Variants in PARD3 observed in about 807,000 individuals in gnomAD.
The protein encoded by PARD3 is partitioning defective 3 homolog.
PARD3 carries 75 observed loss-of-function variants against 155.4 expected under a neutral mutation model. That is an observed-to-expected ratio of 0.48 (90% CI 0.40 to 0.58). The LOEUF is 0.58. Among genes scored for constraint, PARD3 ranks in the 20% least tolerant of loss-of-function variants. The probability of loss-of-function intolerance (pLI) is 0.00; values close to 1 mark genes in which losing one functional copy is unlikely to be tolerated. For missense variants in PARD3, 1,642 were observed against 1,721.7 expected (o/e 0.95, Z 0.82); for synonymous variants, 576 against 610.5 (o/e 0.94, Z 0.83).
At chr10:34,587,952 T>G (rs1282546477) in intron 2 of PARD3, among the ~76,000 whole-genome samples, 2 of 152,130 alleles carry the variant, frequency 1.3e-5, no homozygotes, top group Non-Finnish European at 2.9e-5. Context: ...CGGTGACCAG[T>G]TCAAAATTCT....
At chr10:34,123,973 T>C (rs551391960) in intron 23 of PARD3, among the ~76,000 whole-genome samples, 6 of 152,332 alleles carry the variant, frequency 3.9e-5, no homozygotes, top group African/African-American at 1.4e-4. Flanking sequence ...AAAATCATTG[T>C]TATATTAACA....
intron 3 of PARD3, among the ~76,000 whole-genome samples, chr10:34,493,481 CA>C (rs2080053668): frequency 6.6e-6 from 1 of 152,082 alleles, no homozygotes; most frequent in Non-Finnish European, 1.5e-5. Flanking sequence ...CCTGTAATCT[CA>C]GCATTTTGGG....
At chr10:34,680,584 AG>A (rs2093794774) in intron 2 of PARD3, among the ~76,000 whole-genome samples, 1 of 147,282 alleles carries the variant, frequency 6.8e-6, no homozygotes, top group African/African-American at 2.5e-5. Context: ...GGGGAGGGGA[AG>A]GGGAATGAGA....
rs1323865538 is a variant in PARD3, at chr10:34,309,547, C to CAAAAAA, written c.3065+7559_3065+7560insTTTTTT. Among the ~76,000 whole-genome samples the CAAAAAA allele has an allele frequency of 3.8e-3, 176 of 46,624 alleles. 6 individuals carry two copies. The highest frequency in any genetic ancestry group is 0.036 in the Admixed American group (120 of 3,328). 30.6% of individuals were successfully genotyped at this position (46,624 alleles called of 152,430 possible). A position where few individuals can be genotyped will look rare whatever the true frequency, so the allele number is the denominator to read the frequency against. ...ACTCCTGCTGAGCAAGACCCTGTCTCCAAAAAAAAAAAAAAAAAAAAAAAA... is the reference window on the plus strand; with the variant it reads ...ACTCCTGCTGAGCAAGACCCTGTCTCAAAAAACAAAAAAAAAAAAAAAAAAAAAAAA... On this transcript the variant is annotated intron_variant, in intron 20 of 24. Coordinates refer to ENST00000374788, the MANE Select transcript of PARD3 (RefSeq NM_001184785.2).
At position 34,450,492 on chromosome 10, in the gene PARD3, C is replaced by G; in HGVS notation, c.583-44G>C. ...AAAGGTGTCTTGTAAAAAACCAGACCTTGCAAATCAGTAATGCACCTGGTT... is the reference window on the plus strand; with the variant it reads ...AAAGGTGTCTTGTAAAAAACCAGACGTTGCAAATCAGTAATGCACCTGGTT... On this transcript the variant is annotated intron_variant, in intron 4 of 24. Transcript: ENST00000374788. 5 of 1,575,362 alleles carry G rather than the reference C, an allele frequency of 3.2e-6. No homozygotes were observed. In the Admixed American group the frequency reaches 5.7e-5, roughly 18 times the overall value.
chr10:34,229,297 C>A (rs185095629), intron 22 of PARD3, among the ~76,000 whole-genome samples: 1 of 152,240 alleles, frequency 6.6e-6, no homozygotes, highest in African/African-American at 2.4e-5. Context: ...CAGCTCACTG[C>A]AGCCTTGAAC....
At chr10:34,777,923 C>T (rs1392167487) in intron 1 of PARD3, among the ~76,000 whole-genome samples, 3 of 151,652 alleles carry the variant, frequency 2.0e-5, no homozygotes, top group Non-Finnish European at 2.9e-5. Flanking sequence ...TGCCCTCCCT[C>T]CCGCAAGGAG....
At chr10:34,162,040 C>T (rs923377854) in intron 22 of PARD3, among the ~76,000 whole-genome samples, 3 of 152,146 alleles carry the variant, frequency 2.0e-5, no homozygotes, top group Non-Finnish European at 2.9e-5. Flanking sequence ...CATATATGTA[C>T]ATATGATAGA....
At chr10:34,415,823 C>T (rs892280195) in intron 5 of PARD3, among the ~76,000 whole-genome samples, 2 of 152,138 alleles carry the variant, frequency 1.3e-5, no homozygotes, top group Non-Finnish European at 1.5e-5. Flanking sequence ...ACAAGTATAC[C>T]TATTAAGTGC....
intron 2 of PARD3, among the ~76,000 whole-genome samples, chr10:34,539,521 G>A (rs1351198419): frequency 6.6e-6 from 1 of 152,170 alleles, no homozygotes; most frequent in Non-Finnish European, 1.5e-5. Flanking sequence ...TTAGCCAGGT[G>A]TGGTGGCGGG....
chr10:34,686,867 G>A (rs2093961211), intron 2 of PARD3, among the ~76,000 whole-genome samples: 1 of 151,946 alleles, frequency 6.6e-6, no homozygotes, highest in Non-Finnish European at 1.5e-5. Context: ...TGGCCAACAT[G>A]GTGAAACCCT....
chr10:34,580,810 C>T (rs2087377082), intron 2 of PARD3, among the ~76,000 whole-genome samples: 1 of 152,130 alleles, frequency 6.6e-6, no homozygotes, highest in East Asian at 1.9e-4. Context: ...ACGTATTATT[C>T]ACCACAACTT....
intron 22 of PARD3, among the ~76,000 whole-genome samples, chr10:34,171,950 CAAAAAAAAAAAAAA>C (rs71033303): frequency 1.9e-4 from 9 of 47,248 alleles, no homozygotes; most frequent in South Asian, 1.4e-3. Context: ...GACTCCATCT[CAAAAAAAAAAAAAA>C]AAAAAAAAAA....
intron 2 of PARD3, among the ~76,000 whole-genome samples, chr10:34,655,850 T>C (rs796442018): frequency 3.9e-5 from 6 of 152,058 alleles, no homozygotes; most frequent in African/African-American, 1.4e-4. Flanking sequence ...AGCCACAAAA[T>C]GGGAATGAAT....
chr10:34,592,490 A>C (rs2088800460), intron 2 of PARD3, among the ~76,000 whole-genome samples: 1 of 152,178 alleles, frequency 6.6e-6, no homozygotes, highest in Admixed American at 6.5e-5. Flanking sequence ...CAAAAAGAGG[A>C]CTGGGCTGGG....
chr10:34,802,158 G>C (rs1842887592), intron 1 of PARD3, among the ~76,000 whole-genome samples: 1 of 152,108 alleles, frequency 6.6e-6, no homozygotes. Context: ...GGCTAAGACA[G>C]CTAGACAAAC....
intron 2 of PARD3, among the ~76,000 whole-genome samples, chr10:34,524,802 A>T (rs1466743527): frequency 6.6e-6 from 1 of 152,216 alleles, no homozygotes; most frequent in East Asian, 1.9e-4. Flanking sequence ...GGTTGACTCC[A>T]AACTGGAGGA....
chr10:34,742,712 TA>T (rs1455135218), intron 1 of PARD3, among the ~76,000 whole-genome samples: 2 of 152,136 alleles, frequency 1.3e-5, no homozygotes, highest in Non-Finnish European at 2.9e-5. Context: ...TACTAGGGAG[TA>T]AAACGTCAAA....
intron 22 of PARD3, among the ~76,000 whole-genome samples, chr10:34,224,871 C>G (rs1168866619): frequency 2.6e-5 from 4 of 152,156 alleles, no homozygotes; most frequent in Non-Finnish European, 5.9e-5. Flanking sequence ...ATATGTCTAT[C>G]TCAAAAAGCT....
Sources: gnomAD v4.1 joint callset for allele counts (sites outside exome capture counted in the v4.1 genomes callset) on GRCh38, gnomAD v4.1.1 for gene constraint, MANE v1.5 for transcripts, NCBI Gene and HGNC (gene_info 2026-07-23, HGNC 2026-07-21) for gene names.